Variants in SNX29 observed in about 807,000 individuals in gnomAD.
SNX29 encodes the protein sorting nexin 29.
Under a neutral mutation model 102.1 loss-of-function variants are expected in SNX29, and 78 were observed. The observed-to-expected ratio is 0.76, with a 90% confidence interval of 0.64 to 0.92. The LOEUF (loss-of-function observed/expected upper bound fraction) is 0.92, where lower values mean the gene tolerates loss of function less well. Ranked by LOEUF, SNX29 falls within the 40% of genes least tolerant of loss-of-function variation. The pLI, the probability that SNX29 is intolerant of heterozygous loss-of-function variation, is 0.00. For synonymous variants in SNX29, 580 were observed against 414.5 expected, an observed-to-expected ratio of 1.40 and a Z score of -4.85; for missense variants, 1,280 against 1,061.7, an observed-to-expected ratio of 1.21 and a Z score of -2.86.
intron 11 of SNX29, among the ~76,000 whole-genome samples, chr16:12,082,285 C>T (rs2051939051): frequency 6.6e-6 from 1 of 152,100 alleles, no homozygotes; most frequent in South Asian, 2.1e-4. Flanking sequence ...CTGCAGGCAT[C>T]CCTGTGTGCC....
intron 18 of SNX29, among the ~76,000 whole-genome samples, chr16:12,443,751 A>G (rs1473075187): frequency 6.6e-6 from 1 of 152,250 alleles, no homozygotes; most frequent in Non-Finnish European, 1.5e-5. Flanking sequence ...GCACCCGGCC[A>G]AGCACGACTT....
At chr16:12,543,914 A>C (rs2077462303) in intron 20 of SNX29, among the ~76,000 whole-genome samples, 1 of 152,356 alleles carries the variant, frequency 6.6e-6, no homozygotes, top group Admixed American at 6.5e-5. Context: ...GGATTGCCGA[A>C]GGTGGAATCC....
intron 18 of SNX29, among the ~76,000 whole-genome samples, chr16:12,454,646 G>A (rs777716568): frequency 1.3e-5 from 2 of 152,232 alleles, no homozygotes; most frequent in Non-Finnish European, 2.9e-5. Flanking sequence ...TGCAAGCCAC[G>A]TCTGGGAATT....
chr16:12,305,674 C>A (rs1008684447), intron 15 of SNX29, among the ~76,000 whole-genome samples: 2 of 152,188 alleles, frequency 1.3e-5, no homozygotes, highest in East Asian at 3.8e-4. Flanking sequence ...CTTTTTGCCA[C>A]CTCCTTAAAT....
intron 15 of SNX29, among the ~76,000 whole-genome samples, chr16:12,287,103 G>C (rs2151046208): frequency 6.6e-6 from 1 of 152,300 alleles, no homozygotes; most frequent in Admixed American, 6.5e-5. Context: ...AGATGGCTAA[G>C]CTCGGAGCTT....
At chr16:12,563,123 A>T (rs547048984) in intron 20 of SNX29, among the ~76,000 whole-genome samples, 68 of 152,290 alleles carry the variant, frequency 4.5e-4, no homozygotes, top group Non-Finnish European at 5.3e-4. Flanking sequence ...AGCCTAGGAA[A>T]GGTCGCCACA....
chr16:12,442,212 C>G (rs1458020966), intron 18 of SNX29, among the ~76,000 whole-genome samples: 1 of 152,144 alleles, frequency 6.6e-6, no homozygotes, highest in African/African-American at 2.4e-5. Flanking sequence ...GCACTCTTGT[C>G]AAAAACAAGT....
chr16:12,324,367 C>A (rs1296624379), intron 15 of SNX29, among the ~76,000 whole-genome samples: 1 of 151,988 alleles, frequency 6.6e-6, no homozygotes, highest in African/African-American at 2.4e-5. Flanking sequence ...AACAGGATGA[C>A]CTTTCTCCTC....
intron 20 of SNX29, among the ~76,000 whole-genome samples, chr16:12,567,831 G>A (rs558672386): frequency 1.3e-5 from 2 of 152,118 alleles, no homozygotes; most frequent in African/African-American, 2.4e-5. Context: ...TGCTCTCACG[G>A]TGAAGCCTCC....
intron 11 of SNX29, among the ~76,000 whole-genome samples, chr16:12,115,485 T>TTTTGTGTGTGTGTG (rs369070216): frequency 7.8e-5 from 11 of 141,858 alleles, no homozygotes; most frequent in African/African-American, 2.9e-4. Flanking sequence ...CCACCTTGAT[T>TTTTGTGTGTGTGTG]TGTGTGTGTG....
At chr16:12,024,403 G>C (rs34321532) in intron 3 of SNX29, among the ~76,000 whole-genome samples, 63,487 of 151,838 alleles carry the variant, frequency 0.42, 14,136 homozygotes, top group Non-Finnish European at 0.5. Flanking sequence ...GCCTTGGCCT[G>C]CCAAAGTGCT....
chr16:12,363,604 G>C (rs1481899074), intron 16 of SNX29, among the ~76,000 whole-genome samples: 2 of 152,192 alleles, frequency 1.3e-5, no homozygotes, highest in African/African-American at 2.4e-5. Flanking sequence ...CCTGTGCCTA[G>C]CACCATTCCC....
intron 3 of SNX29, among the ~76,000 whole-genome samples, chr16:12,021,825 A>G (rs2057031567): frequency 6.6e-6 from 1 of 151,660 alleles, no homozygotes; most frequent in South Asian, 2.1e-4. Flanking sequence ...TGGGTGGCAG[A>G]GGTTACAGTG....
chr16:12,277,761 T>C (rs1441493723), intron 14 of SNX29, among the ~76,000 whole-genome samples, 172 bp from the exon 15 acceptor site: 1 of 152,144 alleles, frequency 6.6e-6, no homozygotes, highest in Non-Finnish European at 1.5e-5. Context: ...TTTATTGTAC[T>C]TAGGTGAAAA....
chr16:12,288,990 CTAACT>C (rs2079700730), intron 15 of SNX29, among the ~76,000 whole-genome samples: 1 of 152,228 alleles, frequency 6.6e-6, no homozygotes, highest in Admixed American at 6.5e-5. Context: ...CCTACTAGCT[CTAACT>C]TTTAGTTCTA....
At chr16:12,455,753 C>G (rs1047054486) in intron 18 of SNX29, among the ~76,000 whole-genome samples, 3 of 152,206 alleles carry the variant, frequency 2.0e-5, no homozygotes, top group Non-Finnish European at 4.4e-5. Context: ...AAGCGTCCAT[C>G]CTTTGCTCAC....
chr16:12,367,281 C>G (rs2151361328), intron 16 of SNX29: 1 of 152,378 alleles, frequency 6.6e-6, no homozygotes, highest in East Asian at 1.9e-4. Flanking sequence ...AACACGTAAT[C>G]ACTCAGGGAG....
chr16:12,417,561 G>A (rs954082435), intron 18 of SNX29, among the ~76,000 whole-genome samples: 1 of 151,686 alleles, frequency 6.6e-6, no homozygotes, highest in African/African-American at 2.4e-5. Context: ...TTCTCTTTCT[G>A]TTTCCCTCTT....
intron 15 of SNX29, among the ~76,000 whole-genome samples, chr16:12,348,839 C>T (rs1465057776): frequency 6.6e-6 from 1 of 152,194 alleles, no homozygotes; most frequent in Non-Finnish European, 1.5e-5. Flanking sequence ...GGTAACACCA[C>T]TCACCTCCCA....
Sources: gnomAD v4.1 joint callset for allele counts (sites outside exome capture counted in the v4.1 genomes callset) on GRCh38, gnomAD v4.1.1 for gene constraint, MANE v1.5 for transcripts, NCBI Gene and HGNC (gene_info 2026-07-23, HGNC 2026-07-21) for gene names.